The following PBX3 variants were observed in gnomAD, a reference collection of about 807,000 sequenced individuals.
PBX3 encodes PBX homeobox 3.
Under a neutral mutation model 48.5 loss-of-function variants are expected in PBX3, and 14 were observed. The observed-to-expected ratio is 0.29, with a 90% CI of 0.19 to 0.45. PBX3 has a LOEUF of 0.45. Ranked by LOEUF, PBX3 falls within the 20% of genes least tolerant of loss-of-function variation. The pLI is 1.00. For missense variants in PBX3, 386 were observed against 546.7 expected, an observed-to-expected ratio of 0.71 and a Z score of 2.93; for synonymous variants, 210 against 200.3, an observed-to-expected ratio of 1.05 and a Z score of -0.41.
chr9:125,781,926 C>T (rs1837330914), intron 2 of PBX3, among the ~76,000 whole-genome samples: 1 of 151,806 alleles, frequency 6.6e-6, no homozygotes, highest in South Asian at 2.1e-4. Context: ...GTTCCTCATT[C>T]CCTCCATTAC....
At chr9:125,898,218 G>A (rs1206493332) in intron 2 of PBX3, among the ~76,000 whole-genome samples, 1 of 151,620 alleles carries the variant, frequency 6.6e-6, no homozygotes, top group Non-Finnish European at 1.5e-5. Flanking sequence ...ATTCTCACCA[G>A]TAAGGTTGCC....
At chr9:125,791,311 C>A (rs1163269896) in intron 2 of PBX3, among the ~76,000 whole-genome samples, 1 of 150,512 alleles carries the variant, frequency 6.6e-6, no homozygotes, top group Non-Finnish European at 1.5e-5. Flanking sequence ...GTCTATCTAT[C>A]TATCTATCTA....
At chr9:125,762,618 G>C (rs968207853) in intron 2 of PBX3, among the ~76,000 whole-genome samples, 1 of 152,182 alleles carries the variant, frequency 6.6e-6, no homozygotes, top group Non-Finnish European at 1.5e-5. Flanking sequence ...AATTTAATCA[G>C]CGTCTTCTGC....
intron 2 of PBX3, among the ~76,000 whole-genome samples, chr9:125,810,935 C>G (rs886280215): frequency 6.6e-6 from 1 of 152,156 alleles, no homozygotes; most frequent in Non-Finnish European, 1.5e-5. Context: ...TGGTAGTCTT[C>G]CATGAGGATT....
intron 2 of PBX3, among the ~76,000 whole-genome samples, chr9:125,895,341 C>T (rs1262188645): frequency 6.6e-6 from 1 of 152,080 alleles, no homozygotes. Context: ...TTTATGTATA[C>T]AGTTTACAGA....
chr9:125,846,793 G>A (rs550062186), intron 2 of PBX3, among the ~76,000 whole-genome samples: 2 of 151,976 alleles, frequency 1.3e-5, no homozygotes, highest in Non-Finnish European at 2.9e-5. Context: ...ATAATTCCTT[G>A]ATATCATATA....
intron 4 of PBX3, among the ~76,000 whole-genome samples, chr9:125,933,660 C>G (rs1055593255): frequency 6.6e-6 from 1 of 152,068 alleles, no homozygotes; most frequent in African/African-American, 2.4e-5. Context: ...AGGGTTGGAG[C>G]AGGCAGGTGC....
chr9:125,925,599 G>A (rs1017239844), intron 3 of PBX3, among the ~76,000 whole-genome samples: 5 of 152,014 alleles, frequency 3.3e-5, no homozygotes, highest in Admixed American at 2.6e-4. Context: ...GACCACAGGC[G>A]TGCCACCATG....
At chr9:125,941,474 T>C (rs2132546533) in intron 5 of PBX3, among the ~76,000 whole-genome samples, 1 of 152,306 alleles carries the variant, frequency 6.6e-6, no homozygotes, top group South Asian at 2.1e-4. Context: ...AAAGCAGAGC[T>C]ATCAGTTGGG....
intron 2 of PBX3, among the ~76,000 whole-genome samples, chr9:125,775,495 G>A (rs1837048872): frequency 6.6e-6 from 1 of 152,138 alleles, no homozygotes; most frequent in African/African-American, 2.4e-5. Flanking sequence ...ATTTGTTGAA[G>A]ATACTATTCT....
chr9:125,810,196 A>C (rs1389557563), intron 2 of PBX3, among the ~76,000 whole-genome samples: 1 of 152,146 alleles, frequency 6.6e-6, no homozygotes, highest in African/African-American at 2.4e-5. Context: ...TTTTATAAAA[A>C]TTTCTGTTTT....
intron 2 of PBX3, among the ~76,000 whole-genome samples, chr9:125,910,880 G>C (rs1841188441): frequency 6.6e-6 from 1 of 151,928 alleles, no homozygotes. Flanking sequence ...TTAGACCTAA[G>C]GAGGAGAGTG....
chr9:125,908,422 T>C (rs1451631905), intron 2 of PBX3, among the ~76,000 whole-genome samples: 1 of 151,980 alleles, frequency 6.6e-6, no homozygotes, highest in East Asian at 1.9e-4. Flanking sequence ...GAGCAGAATG[T>C]GGGAATGGGG....
chr9:125,747,500 T>G lies in PBX3; in HGVS notation c.47T>G (p.Leu16Arg). 1 of 1,587,028 alleles carries G rather than the reference T, an allele frequency of 6.3e-7. No individual in the cohort carries two copies. Among genetic ancestry groups the G allele is most frequent in the East Asian group, 2.4e-5 (1 of 41,244 alleles). Residue 16 changes from leucine to arginine, a missense_variant, in exon 1 of 9, where the codon CTG becomes CGG. Transcript: ENST00000373489. The stretch of plus-strand genomic sequence containing the variant: ...CTGCAGACTCTGGCCGGGGTGAACC[T>G]GGCTGGCCACTCGGTGCAGGGGGGC... ...RMLQTLAGVN[L>R]AGHSVQGGMA...
At position 125,825,776 on chromosome 9, in the gene PBX3, T is replaced by C. The variant is rs1588188373; in HGVS notation, c.274+77153T>C. On this transcript the variant is annotated intron_variant, in intron 2 of 8. Coordinates refer to ENST00000373489, the MANE Select transcript of PBX3 (RefSeq NM_006195.6). The stretch of plus-strand genomic sequence containing the variant: ...TCCTCATTTCATCAGTAAGCATCAC[T>C]GTGTACTTCTGCTATCCTGTATTGC... Among the ~76,000 whole-genome samples the C allele has an allele frequency of 2.6e-5, 4 of 152,356 alleles. No individual in the cohort carries two copies. The East Asian group carries it at 7.7e-4, about 29-fold the overall frequency.
At chr9:125,816,086 C>T (rs1838453192) in intron 2 of PBX3, among the ~76,000 whole-genome samples, 1 of 152,136 alleles carries the variant, frequency 6.6e-6, no homozygotes, top group Non-Finnish European at 1.5e-5. Flanking sequence ...CTCACTGCAG[C>T]CCCGACTGCC....
intron 2 of PBX3, among the ~76,000 whole-genome samples, chr9:125,803,365 G>T (rs1437284317): frequency 6.6e-6 from 1 of 151,932 alleles, no homozygotes; most frequent in Non-Finnish European, 1.5e-5. Context: ...TGGGATTACA[G>T]GCATGAGCCA....
chr9:125,748,279 C>T, intron 1 of PBX3: 1 of 1,084,366 alleles, frequency 9.2e-7, no homozygotes. Flanking sequence ...CGGGGCGAGG[C>T]TCCCCGCGCG....
At chr9:125,859,664 T>C (rs911471138) in intron 2 of PBX3, among the ~76,000 whole-genome samples, 2 of 152,232 alleles carry the variant, frequency 1.3e-5, no homozygotes, top group African/African-American at 4.8e-5. Flanking sequence ...TGATCCATGC[T>C]CTGTGGAATT....
Sources: allele counts gnomAD v4.1 joint callset (sites outside exome capture counted in the v4.1 genomes callset), GRCh38; gene constraint gnomAD v4.1.1; transcripts MANE v1.5; gene names NCBI Gene and HGNC (gene_info 2026-07-23, HGNC 2026-07-21).